ADGRB3: variants seen among roughly 807,000 people sequenced by gnomAD.
The protein encoded by ADGRB3 is brain-specific angiogenesis inhibitor 3.
In ADGRB3, 37 loss-of-function variants were observed where a neutral mutation model predicts 193.4. The ratio of observed to expected loss-of-function variants is 0.19; its 90% CI spans 0.15 to 0.25. The LOEUF (loss-of-function observed/expected upper bound fraction) is 0.25. Ranked by LOEUF, ADGRB3 falls within the 10% of genes least tolerant of loss-of-function variation. ADGRB3 has a pLI of 1.00. For missense variants in ADGRB3, 1,637 were observed against 1,852.9 expected (o/e 0.88, Z 2.14); for synonymous variants, 690 against 644.2 (o/e 1.07, Z -1.08).
chr6:69,229,170 T>C (rs1766082341), intron 17 of ADGRB3, among the ~76,000 whole-genome samples: 1 of 152,172 alleles, frequency 6.6e-6, no homozygotes, highest in Non-Finnish European at 1.5e-5. Context: ...TCTCAATATT[T>C]GCAATGTCTT....
At chr6:68,726,230 TG>T (rs1765671403) in intron 3 of ADGRB3, among the ~76,000 whole-genome samples, 1 of 151,654 alleles carries the variant, frequency 6.6e-6, no homozygotes, top group Non-Finnish European at 1.5e-5. Context: ...TATATAAACC[TG>T]TGTAAAAACT....
intron 10 of ADGRB3, among the ~76,000 whole-genome samples, chr6:68,984,733 A>G (rs1423831909): frequency 6.6e-6 from 1 of 152,176 alleles, no homozygotes; most frequent in East Asian, 1.9e-4. Context: ...AAACCCAAGA[A>G]GGCAAAAAGA....
intron 3 of ADGRB3, among the ~76,000 whole-genome samples, chr6:68,863,604 C>T (rs1279995920): frequency 6.6e-6 from 1 of 151,872 alleles, no homozygotes; most frequent in African/African-American, 2.4e-5. Flanking sequence ...AACTGTATGT[C>T]CAAGTACAGT....
intron 3 of ADGRB3, among the ~76,000 whole-genome samples, chr6:68,646,732 A>G (rs1292714993): frequency 6.6e-6 from 1 of 152,158 alleles, no homozygotes; most frequent in Non-Finnish European, 1.5e-5. Context: ...TTGAGTAACT[A>G]TGTGATGCTA....
chr6:68,855,624 A>G (rs1764960673), intron 3 of ADGRB3, among the ~76,000 whole-genome samples: 1 of 152,160 alleles, frequency 6.6e-6, no homozygotes, highest in Admixed American at 6.5e-5. Context: ...CACATGTTAG[A>G]TGATTAAAAA....
chr6:68,716,934 G>A (rs1355696257), intron 3 of ADGRB3, among the ~76,000 whole-genome samples: 2 of 151,474 alleles, frequency 1.3e-5, no homozygotes, highest in African/African-American at 4.8e-5. Flanking sequence ...TTTATTATAG[G>A]ATTTATTAAT....
At chr6:69,110,387 G>A (rs1773337042) in intron 17 of ADGRB3, among the ~76,000 whole-genome samples, 1 of 152,088 alleles carries the variant, frequency 6.6e-6, no homozygotes, top group African/African-American at 2.4e-5. Context: ...TCTAATATTA[G>A]TGAACAATTT....
In ADGRB3 at chr6:69,306,449, T is replaced by C. The variant is rs193193362; in HGVS notation, c.2815-18423T>C. 6.1e-3 allele frequency among the ~76,000 whole-genome samples: 922 copies of C among 151,586 alleles called. 5 individuals carry two copies. Among genetic ancestry groups the C allele is most frequent in the Non-Finnish European group, 9.6e-3 (654 of 67,828 alleles). On this transcript the variant is annotated intron_variant, in intron 20 of 31. Transcript: ENST00000370598. Reference sequence around the variant, plus strand: ...CTTCCTAAATCATGGATTCATTAAGTTGATAACCTATGTACTAGGCACAAT... The same window carrying C: ...CTTCCTAAATCATGGATTCATTAAGCTGATAACCTATGTACTAGGCACAAT...
chr6:68,847,085 G>C (rs573315663), intron 3 of ADGRB3, among the ~76,000 whole-genome samples: 34 of 152,246 alleles, frequency 2.2e-4, no homozygotes, highest in African/African-American at 7.9e-4. Context: ...CAATTAGACT[G>C]TCCCACTGGA....
At chr6:69,316,061 C>A (rs771498515) in intron 20 of ADGRB3, among the ~76,000 whole-genome samples, 1 of 151,144 alleles carries the variant, frequency 6.6e-6, no homozygotes, top group East Asian at 1.9e-4. Flanking sequence ...TCTGTCATAA[C>A]AAACATGTTC....
chr6:69,051,345 C>G (rs1700189294), intron 15 of ADGRB3, among the ~76,000 whole-genome samples: 1 of 152,024 alleles, frequency 6.6e-6, no homozygotes, highest in Non-Finnish European at 1.5e-5. Context: ...TTTTCACCTT[C>G]AGAAATTATA....
chr6:68,772,882 C>CAA (rs763967322), intron 3 of ADGRB3, among the ~76,000 whole-genome samples: 436 of 23,650 alleles, frequency 0.018, 2 homozygotes, highest in South Asian at 0.026. Context: ...AACAAACAAA[C>CAA]AAAAAAAAAA....
At chr6:69,099,339 G>A (rs1772969490) in intron 17 of ADGRB3, among the ~76,000 whole-genome samples, 1 of 152,196 alleles carries the variant, frequency 6.6e-6, no homozygotes, top group African/African-American at 2.4e-5. Flanking sequence ...ATCAGCTTCT[G>A]TTCTGATTGA....
chr6:68,763,184 AG>A (rs11296068), intron 3 of ADGRB3, among the ~76,000 whole-genome samples: 84,396 of 151,936 alleles, frequency 0.56, 24,248 homozygotes, highest in East Asian at 0.86. Flanking sequence ...TCTGCCTCAC[AG>A]GGTCAAGCGA....
intron 8 of ADGRB3, among the ~76,000 whole-genome samples, chr6:68,958,487 T>G (rs1420360679): frequency 6.6e-6 from 1 of 152,184 alleles, no homozygotes; most frequent in East Asian, 1.9e-4. Flanking sequence ...AACTGGTCTT[T>G]TAAAATTGTC....
chr6:68,638,751 C>G lies in ADGRB3; in HGVS notation c.76C>G (p.Gln26Glu), dbSNP rs1216425138. 1.9e-6 allele frequency: 3 copies of G among 1,614,090 alleles called. No individual in the cohort carries two copies. Among genetic ancestry groups the G allele is most frequent in the Non-Finnish European group, 2.5e-6 (3 of 1,180,014 alleles). Residue 26 changes from glutamine (Q) to glutamate (E), a missense_variant, in exon 3 of 32, where the codon CAA becomes GAA. Gln to Glu is a conservative substitution (Grantham distance 29). Coordinates refer to ENST00000370598, the MANE Select transcript of ADGRB3 (RefSeq NM_001704.3). ...GGTTATGTTTGGATTTAATGCTGCC[C>G]AAGACTTCTGGTGTTCAACTTTGGT... ...LLVMFGFNAA[Q>E]DFWCSTLVKG...
chr6:68,901,245 T>G, intron 3 of ADGRB3, among the ~76,000 whole-genome samples: 1 of 151,032 alleles, frequency 6.6e-6, no homozygotes, highest in African/African-American at 2.4e-5. Context: ...TGTTAGTGGG[T>G]GGAGGGGGGT....
intron 3 of ADGRB3, among the ~76,000 whole-genome samples, chr6:68,912,524 C>T (rs1204504505): frequency 6.6e-6 from 1 of 152,016 alleles, no homozygotes; most frequent in African/African-American, 2.4e-5. Flanking sequence ...CCCGCTCCCT[C>T]CACCCCACAA....
chr6:68,709,616 T>C (rs756336431), intron 3 of ADGRB3, among the ~76,000 whole-genome samples: 5 of 152,144 alleles, frequency 3.3e-5, no homozygotes, highest in Non-Finnish European at 7.4e-5. Flanking sequence ...GTCCATGTGA[T>C]TGAATATGTG....
Sources: gnomAD v4.1 joint callset for allele counts (sites outside exome capture counted in the v4.1 genomes callset) on GRCh38, gnomAD v4.1.1 for gene constraint, MANE v1.5 for transcripts, NCBI Gene and HGNC (gene_info 2026-07-23, HGNC 2026-07-21) for gene names.